The following LDB2 variants were observed in gnomAD, a reference collection of about 807,000 sequenced individuals.
LDB2 encodes LIM domain-binding protein 2.
Under a neutral mutation model 44.3 loss-of-function variants are expected in LDB2, and 12 were observed. The ratio of observed to expected loss-of-function variants is 0.27; its 90% CI spans 0.17 to 0.44. The LOEUF is 0.44. Among genes scored for constraint, LDB2 ranks in the 20% least tolerant of loss-of-function variants. The pLI is 1.00. For synonymous variants in LDB2, 164 were observed against 174.8 expected (o/e 0.94, Z 0.49); for missense variants, 344 against 473.5 (o/e 0.73, Z 2.54).
chr4:16,547,547 C>T (rs369704326), intron 5 of LDB2, among the ~76,000 whole-genome samples: 8 of 152,142 alleles, frequency 5.3e-5, no homozygotes, highest in African/African-American at 1.9e-4. Flanking sequence ...GTCTTACAGA[C>T]AGCTCCTTCT....
chr4:16,676,523 G>T (rs1307056140), intron 2 of LDB2, among the ~76,000 whole-genome samples: 1 of 152,226 alleles, frequency 6.6e-6, no homozygotes, highest in African/African-American at 2.4e-5. Flanking sequence ...AATGTCAAGT[G>T]CTGTGGGGAA....
intron 2 of LDB2, among the ~76,000 whole-genome samples, chr4:16,668,153 A>AATAT (rs3076987): frequency 1.3e-5 from 2 of 150,524 alleles, no homozygotes; most frequent in African/African-American, 2.4e-5. Context: ...ATATACGATA[A>AATAT]ATATATATAT....
chr4:16,686,102 CACAATATTAAG>C (rs1238650692), intron 2 of LDB2, among the ~76,000 whole-genome samples: 1 of 152,056 alleles, frequency 6.6e-6, no homozygotes, highest in Non-Finnish European at 1.5e-5. Context: ...CAAAGCTAAT[CACAATATTAAG>C]AATTCAGTTT....
chr4:16,645,490 T>A (rs565798150), intron 2 of LDB2, among the ~76,000 whole-genome samples: 1 of 143,570 alleles, frequency 7.0e-6, no homozygotes, highest in Admixed American at 7.3e-5. Flanking sequence ...TGAGCCGAGA[T>A]TGCGCCACTG....
At position 16,716,173 on chromosome 4, in the gene LDB2, TA is replaced by T. The variant is rs555715208; in HGVS notation, c.235+42984del. Among the ~76,000 whole-genome samples, 34 of 152,328 alleles carry T rather than the reference TA, an allele frequency of 2.2e-4. No individual in the cohort carries two copies. In the South Asian group the frequency reaches 6.6e-3, roughly 30 times the overall value. On this transcript the variant is annotated intron_variant, in intron 2 of 7. Coordinates refer to ENST00000304523, the MANE Select transcript of LDB2 (RefSeq NM_001290.5). ...AAAGAAGGAACAAACCCTTCTGATG[TA>T]CAGCAAATTTCTGGAGCTTTAAGCT...
At chr4:16,701,360 A>C (rs1753399206) in intron 2 of LDB2, among the ~76,000 whole-genome samples, 1 of 152,218 alleles carries the variant, frequency 6.6e-6, no homozygotes, top group Non-Finnish European at 1.5e-5. Flanking sequence ...AGAGTAGAGT[A>C]GATTGAGTGT....
chr4:16,773,341 C>T (rs962355056), intron 1 of LDB2, among the ~76,000 whole-genome samples: 1 of 152,118 alleles, frequency 6.6e-6, no homozygotes, highest in Non-Finnish European at 1.5e-5. Context: ...ACTATTATTA[C>T]ATTCTAATAT....
At chr4:16,786,946 G>C (rs978887893) in intron 1 of LDB2, among the ~76,000 whole-genome samples, 5 of 152,094 alleles carry the variant, frequency 3.3e-5, no homozygotes, top group African/African-American at 9.7e-5. Flanking sequence ...CCTCCTCAGG[G>C]TCCCTATCCC....
chr4:16,814,528 A>G (rs1232050408), intron 1 of LDB2, among the ~76,000 whole-genome samples: 1 of 124,524 alleles, frequency 8.0e-6, no homozygotes, highest in Non-Finnish European at 1.9e-5. Flanking sequence ...TGCCCATTAT[A>G]TGAGCAACCC....
intron 2 of LDB2, among the ~76,000 whole-genome samples, chr4:16,703,258 A>G (rs575262923): frequency 6.6e-6 from 1 of 152,338 alleles, no homozygotes; most frequent in Non-Finnish European, 1.5e-5. Context: ...TTTCTGAAAA[A>G]GGAACTAATA....
intron 1 of LDB2, among the ~76,000 whole-genome samples, chr4:16,762,523 G>A (rs1011414973): frequency 3.9e-5 from 6 of 152,106 alleles, no homozygotes; most frequent in African/African-American, 1.4e-4. Context: ...AAGGGGAGGA[G>A]AGGAATGAAT....
chr4:16,842,062 T>G (rs895927254), intron 1 of LDB2, among the ~76,000 whole-genome samples: 6 of 152,318 alleles, frequency 3.9e-5, no homozygotes, highest in African/African-American at 1.4e-4. Context: ...ATGGCTTTGG[T>G]GAGCACATTT....
intron 2 of LDB2, among the ~76,000 whole-genome samples, chr4:16,703,669 C>A (rs1328603076): frequency 6.6e-6 from 1 of 152,126 alleles, no homozygotes; most frequent in East Asian, 1.9e-4. Flanking sequence ...AATTGGGTGG[C>A]AATATATTTA....
intron 1 of LDB2, among the ~76,000 whole-genome samples, chr4:16,798,559 A>G (rs1777172910): frequency 6.6e-6 from 1 of 152,226 alleles, no homozygotes; most frequent in South Asian, 2.1e-4. Flanking sequence ...CCTCCCAGAA[A>G]GTCTTGGTAG....
chr4:16,544,661 T>C (rs1735064441), intron 5 of LDB2, among the ~76,000 whole-genome samples: 1 of 150,702 alleles, frequency 6.6e-6, no homozygotes, highest in Admixed American at 6.6e-5. Context: ...TAAGAGGGAG[T>C]GAGGGAAAAC....
chr4:16,511,534 C>CT (rs1721749753), intron 6 of LDB2, among the ~76,000 whole-genome samples: 1 of 152,080 alleles, frequency 6.6e-6, no homozygotes, highest in South Asian at 2.1e-4. Context: ...TCCATCCCTT[C>CT]TTTTTTCTCC....
At chr4:16,667,967 T>C (rs1020035390) in intron 2 of LDB2, among the ~76,000 whole-genome samples, 5 of 152,148 alleles carry the variant, frequency 3.3e-5, no homozygotes, top group Non-Finnish European at 7.3e-5. Context: ...AAGAATATCC[T>C]ATATAACAGA....
At chr4:16,836,008 C>T (rs1784828183) in intron 1 of LDB2, among the ~76,000 whole-genome samples, 1 of 152,196 alleles carries the variant, frequency 6.6e-6, no homozygotes. Context: ...GGTGTAAATA[C>T]TGCCAGTAAG....
chr4:16,640,353 T>C (rs1734794762), intron 2 of LDB2, among the ~76,000 whole-genome samples: 1 of 152,236 alleles, frequency 6.6e-6, no homozygotes, highest in South Asian at 2.1e-4. Flanking sequence ...ATTCCTTAGA[T>C]AGTTAGTGGA....
Sources: gnomAD v4.1 joint callset for allele counts (sites outside exome capture counted in the v4.1 genomes callset) on GRCh38, gnomAD v4.1.1 for gene constraint, MANE v1.5 for transcripts, NCBI Gene and HGNC (gene_info 2026-07-23, HGNC 2026-07-21) for gene names.